Variants in MTPAP observed in about 807,000 individuals in gnomAD.
MTPAP encodes poly(A) RNA polymerase, mitochondrial.
Under a neutral mutation model 48.7 loss-of-function variants are expected in MTPAP, and 23 were observed. The observed-to-expected ratio is 0.47, with a 90% CI of 0.34 to 0.67. The LOEUF (loss-of-function observed/expected upper bound fraction) is 0.67. Among genes scored for constraint, MTPAP ranks in the 30% least tolerant of loss-of-function variants. MTPAP has a pLI of 0.01. For missense variants in MTPAP, 614 were observed against 694.3 expected, an observed-to-expected ratio of 0.88 and a Z score of 1.30; for synonymous variants, 257 against 254.1, an observed-to-expected ratio of 1.01 and a Z score of -0.11.
intron 6 of MTPAP, 23 bp downstream of exon 6, chr10:30,322,368 G>T: frequency 1.3e-6 from 2 of 1,504,798 alleles, no homozygotes; most frequent in South Asian, 1.1e-5. Context: ...AAAGAAAATG[G>T]AGAAGTTTCT....
Sources: allele counts gnomAD v4.1 joint callset, GRCh38; gene constraint gnomAD v4.1.1; transcripts MANE v1.5; gene names NCBI Gene and HGNC (gene_info 2026-07-23, HGNC 2026-07-21).